Variants in PCDH9 observed in about 807,000 individuals in gnomAD.
PCDH9 encodes protocadherin 9, also known as protocadherin-9.
In PCDH9, 24 loss-of-function variants were observed where a neutral mutation model predicts 70.6. That is an observed-to-expected ratio of 0.34 (90% CI 0.25 to 0.48). PCDH9 has a LOEUF of 0.48. PCDH9 is among the 20% of genes least tolerant of loss of function. The probability of loss-of-function intolerance (pLI) is 0.99; values close to 1 mark genes in which losing one functional copy is unlikely to be tolerated. For synonymous variants in PCDH9, 562 were observed against 558.5 expected (o/e 1.01, Z -0.09); for missense variants, 1,281 against 1,503.6 (o/e 0.85, Z 2.45).
intron 4 of PCDH9, among the ~76,000 whole-genome samples, chr13:66,529,311 G>A (rs1022573779): frequency 4.6e-5 from 7 of 152,036 alleles, no homozygotes; most frequent in Non-Finnish European, 1.0e-4. Flanking sequence ...CCACTTAGGG[G>A]AATTGCAAAA....
chr13:66,880,551 G>A (rs1555280536), intron 3 of PCDH9, among the ~76,000 whole-genome samples: 1 of 151,900 alleles, frequency 6.6e-6, no homozygotes, highest in Non-Finnish European at 1.5e-5. Flanking sequence ...TACATTTAAA[G>A]AAAAAAAATC....
At chr13:66,784,314 G>A (rs931118939) in intron 3 of PCDH9, among the ~76,000 whole-genome samples, 1 of 152,046 alleles carries the variant, frequency 6.6e-6, no homozygotes. Context: ...CTTTAGAAAA[G>A]GATGGTTTTA....
chr13:66,431,032 TG>T (rs2138375201), intron 4 of PCDH9, among the ~76,000 whole-genome samples: 1 of 152,206 alleles, frequency 6.6e-6, no homozygotes, highest in African/African-American at 2.4e-5. Context: ...TCAGTAAAAC[TG>T]GGATATCTAT....
intron 2 of PCDH9, among the ~76,000 whole-genome samples, chr13:66,943,715 A>T (rs1281434618): frequency 6.6e-6 from 1 of 152,068 alleles, no homozygotes; most frequent in Non-Finnish European, 1.5e-5. Flanking sequence ...AAAAAAAGGA[A>T]TGTCTCTTAG....
chr13:67,223,130 A>G, intron 2 of PCDH9: 1 of 152,192 alleles, frequency 6.6e-6, no homozygotes, highest in East Asian at 1.9e-4. Flanking sequence ...CTGCAAAGTG[A>G]CACATGGTCA....
At chr13:67,072,280 A>G (rs899842896) in intron 2 of PCDH9, among the ~76,000 whole-genome samples, 2 of 152,160 alleles carry the variant, frequency 1.3e-5, no homozygotes, top group Admixed American at 1.3e-4. Context: ...CCCTGAAAGT[A>G]GGTCATAAAA....
intron 4 of PCDH9, among the ~76,000 whole-genome samples, chr13:66,331,802 G>A (rs1316255612): frequency 6.6e-6 from 1 of 152,124 alleles, no homozygotes; most frequent in Non-Finnish European, 1.5e-5. Context: ...GGAACAACAA[G>A]TTCCTTGGCA....
At chr13:66,706,210 C>T (rs1028178329) in intron 3 of PCDH9, among the ~76,000 whole-genome samples, 10 of 152,106 alleles carry the variant, frequency 6.6e-5, no homozygotes, top group African/African-American at 9.7e-5. Context: ...TAAAACTTAG[C>T]GGCATCATTA....
At chr13:67,194,663 G>A (rs2089011456) in intron 2 of PCDH9, among the ~76,000 whole-genome samples, 1 of 151,920 alleles carries the variant, frequency 6.6e-6, no homozygotes, top group Admixed American at 6.6e-5. Flanking sequence ...TATTGTATTA[G>A]GTTTACCACC....
intron 4 of PCDH9, among the ~76,000 whole-genome samples, chr13:66,328,506 G>A (rs1955884378): frequency 6.6e-6 from 1 of 152,044 alleles, no homozygotes; most frequent in South Asian, 2.1e-4. Context: ...TTTACAAGGT[G>A]GTATTATGAT....
At chr13:66,531,175 T>C (rs1287435449) in intron 4 of PCDH9, among the ~76,000 whole-genome samples, 1 of 152,032 alleles carries the variant, frequency 6.6e-6, no homozygotes, top group African/African-American at 2.4e-5. Context: ...TTTGGTAATA[T>C]TGGTTCTATT....
chr13:66,704,017 T>G (rs2078680740), intron 3 of PCDH9, among the ~76,000 whole-genome samples: 1 of 152,248 alleles, frequency 6.6e-6, no homozygotes, highest in Non-Finnish European at 1.5e-5. Context: ...GATCAGATTA[T>G]ACATGCCGCG....
At chr13:66,733,267 CATCA>C (rs1162301006) in intron 3 of PCDH9, among the ~76,000 whole-genome samples, 1 of 152,084 alleles carries the variant, frequency 6.6e-6, no homozygotes, top group Non-Finnish European at 1.5e-5. Flanking sequence ...TTAACCATGA[CATCA>C]ATAGGATAGA....
chr13:66,507,135 T>C (rs1959229483), intron 4 of PCDH9, among the ~76,000 whole-genome samples: 1 of 152,200 alleles, frequency 6.6e-6, no homozygotes, highest in Non-Finnish European at 1.5e-5. Context: ...TTCCCCCTGC[T>C]GTAATATTAT....
chr13:66,493,445 A>G (rs1452520498), intron 4 of PCDH9, among the ~76,000 whole-genome samples: 2 of 152,162 alleles, frequency 1.3e-5, no homozygotes, highest in Non-Finnish European at 2.9e-5. Flanking sequence ...GACATACTTG[A>G]GTTAATAATA....
At chr13:67,228,888 A>G (rs946476692) in intron 1 of PCDH9, among the ~76,000 whole-genome samples, 1 of 151,724 alleles carries the variant, frequency 6.6e-6, no homozygotes, top group African/African-American at 2.4e-5. Context: ...CCCCTGTCTC[A>G]CCCTCCTCCT....
At chr13:66,809,969 A>G (rs972052406) in intron 3 of PCDH9, among the ~76,000 whole-genome samples, 3 of 152,180 alleles carry the variant, frequency 2.0e-5, no homozygotes, top group Non-Finnish European at 4.4e-5. Context: ...AAAATACACA[A>G]GACCCAGCAA....
At chr13:66,873,657 C>T (rs2081739887) in intron 3 of PCDH9, among the ~76,000 whole-genome samples, 1 of 152,106 alleles carries the variant, frequency 6.6e-6, no homozygotes, top group Admixed American at 6.6e-5. Context: ...ATAGACAAAA[C>T]ATAGCTCCTC....
intron 4 of PCDH9, among the ~76,000 whole-genome samples, chr13:66,358,934 A>G (rs1264232149): frequency 6.6e-6 from 1 of 151,914 alleles, no homozygotes; most frequent in Non-Finnish European, 1.5e-5. Context: ...TGACTAGTAA[A>G]CAATATTTTT....
Sources: gnomAD v4.1 joint callset for allele counts (sites outside exome capture counted in the v4.1 genomes callset) on GRCh38, gnomAD v4.1.1 for gene constraint, MANE v1.5 for transcripts, NCBI Gene and HGNC (gene_info 2026-07-23, HGNC 2026-07-21) for gene names.